The following DIP2C variants were observed in gnomAD, a reference collection of about 807,000 sequenced individuals.
DIP2C encodes the protein disco-interacting protein 2 homolog C.
DIP2C carries 33 observed loss-of-function variants against 192.4 expected under a neutral mutation model. The observed-to-expected ratio is 0.17, with a 90% CI of 0.13 to 0.23. The LOEUF (loss-of-function observed/expected upper bound fraction) is 0.23. Among genes scored for constraint, DIP2C ranks in the 10% least tolerant of loss-of-function variants. The pLI, the probability that DIP2C is intolerant of heterozygous loss-of-function variation, is 1.00. For synonymous variants in DIP2C, 979 were observed against 864.1 expected (o/e 1.13, Z -2.33); for missense variants, 1,537 against 2,110.1 (o/e 0.73, Z 5.32).
In DIP2C at chr10:645,874, T is replaced by C. The variant is rs79800231; in HGVS notation, c.85+43620A>G. Among the ~76,000 whole-genome samples, 59 of 152,306 alleles carry C rather than the reference T, an allele frequency of 3.9e-4. 1 individual carries two copies. In the Middle Eastern group the frequency reaches 0.01, roughly 27 times the overall value. ...GGAAACACTGCTGACCACTAGGACATAAACCCTGTCTCCCCCAAAATGCTG... is the reference window on the plus strand; with the variant it reads ...GGAAACACTGCTGACCACTAGGACACAAACCCTGTCTCCCCCAAAATGCTG... On this transcript the variant is annotated intron_variant, in intron 1 of 36. Coordinates refer to ENST00000280886, the MANE Select transcript of DIP2C (RefSeq NM_014974.3).
At chr10:510,427 C>T (rs961161560) in intron 1 of DIP2C, among the ~76,000 whole-genome samples, 4 of 152,244 alleles carry the variant, frequency 2.6e-5, no homozygotes, top group African/African-American at 7.2e-5. Context: ...CGTGCACGTA[C>T]ATGCTCAGCT....
intron 9 of DIP2C, among the ~76,000 whole-genome samples, chr10:405,500 A>C (rs1405176407): frequency 6.6e-6 from 1 of 152,204 alleles, no homozygotes; most frequent in Non-Finnish European, 1.5e-5. Context: ...CAAAACTGAA[A>C]ATTTTTTTGC....
intron 14 of DIP2C, among the ~76,000 whole-genome samples, chr10:386,562 A>ATC (rs1260002780): frequency 6.6e-6 from 1 of 152,258 alleles, no homozygotes; most frequent in African/African-American, 2.4e-5. Flanking sequence ...GCTCCATCTT[A>ATC]TCCCCCAACA....
chr10:610,696 CCA>C (rs557520582), intron 1 of DIP2C, among the ~76,000 whole-genome samples: 281 of 152,094 alleles, frequency 1.8e-3, no homozygotes, highest in Admixed American at 5.9e-3. Context: ...ACTGTAACCC[CCA>C]GTGTTGGAGG....
intron 1 of DIP2C, among the ~76,000 whole-genome samples, chr10:621,747 A>C (rs1266817825): frequency 2.4e-4 from 36 of 152,168 alleles, no homozygotes; most frequent in Non-Finnish European, 7.4e-5. Flanking sequence ...AGCATGAACA[A>C]AAGACGGCAG....
At chr10:359,954 T>C (rs1363176218) in intron 22 of DIP2C, among the ~76,000 whole-genome samples, 3 of 152,154 alleles carry the variant, frequency 2.0e-5, no homozygotes, top group East Asian at 3.9e-4. Flanking sequence ...TGGTGACCGA[T>C]GCTGGGCAAG....
chr10:470,187 C>T (rs1036861910), intron 3 of DIP2C, among the ~76,000 whole-genome samples: 1 of 152,098 alleles, frequency 6.6e-6, no homozygotes, highest in African/African-American at 2.4e-5. Flanking sequence ...AATACACAGA[C>T]ATGCAGATAG....
At chr10:420,218 C>T (rs370358775) in intron 5 of DIP2C, among the ~76,000 whole-genome samples, 1 of 152,214 alleles carries the variant, frequency 6.6e-6, no homozygotes, top group Admixed American at 6.5e-5. Flanking sequence ...ATCAACTGAA[C>T]GCACAAAAAC....
At chr10:615,732 G>C (rs1030131548) in intron 1 of DIP2C, among the ~76,000 whole-genome samples, 2 of 152,076 alleles carry the variant, frequency 1.3e-5, no homozygotes, top group Non-Finnish European at 2.9e-5. Flanking sequence ...AACCCACTTG[G>C]AAGACAGCCA....
intron 1 of DIP2C, among the ~76,000 whole-genome samples, chr10:498,548 G>GCTCT (rs1315187725): frequency 6.6e-6 from 1 of 152,224 alleles, no homozygotes; most frequent in Non-Finnish European, 1.5e-5. Context: ...TGCCCAGGGG[G>GCTCT]CTCTCTCTTA....
rs188823914 is a variant in DIP2C at position 390,111 on chromosome 10, G to A, written c.1495-18C>T. On this transcript the variant is annotated intron_variant, in intron 12 of 36. Transcript: ENST00000280886. The stretch of plus-strand genomic sequence containing the variant: ...GTCTTGTACTGAAACGAGACAAAGC[G>A]TGAGGGAAGTGGGGCTGACAGGTCA... 44 of 1,609,830 alleles carry A rather than the reference G, an allele frequency of 2.7e-5. No homozygotes were observed. In the African/African-American group the frequency reaches 4.1e-4, roughly 15 times the overall value.
chr10:599,455 G>A (rs2131686679), intron 1 of DIP2C, among the ~76,000 whole-genome samples: 1 of 152,276 alleles, frequency 6.6e-6, no homozygotes, highest in South Asian at 2.1e-4. Context: ...ACTAGACCAA[G>A]AACAAACCAA....
At chr10:460,869 C>T (rs183539855) in intron 3 of DIP2C, among the ~76,000 whole-genome samples, 41 of 152,262 alleles carry the variant, frequency 2.7e-4, no homozygotes, top group African/African-American at 9.1e-4. Flanking sequence ...TGCAGAAACC[C>T]GACATGCCAG....
At chr10:632,386 CGGTGTG>C (rs1854572916) in intron 1 of DIP2C, among the ~76,000 whole-genome samples, 1 of 150,484 alleles carries the variant, frequency 6.6e-6, no homozygotes, top group African/African-American at 2.5e-5. Flanking sequence ...ATGCGGGCAC[CGGTGTG>C]AACCCAGACT....
rs1223014393 is a variant in DIP2C at position 591,069 on chromosome 10, AAAG to A, written c.85+98422_85+98424del. On this transcript the variant is annotated intron_variant, in intron 1 of 36. Coordinates refer to ENST00000280886, the MANE Select transcript of DIP2C (RefSeq NM_014974.3). ...CAATTCATCCTGTCACTAAAAAATG[AAAG>A]AAGCCGCCACCTCCATCACAGATAA... is the stretch of plus-strand genomic sequence containing the variant. Among the ~76,000 whole-genome samples, 5 of 150,318 alleles carry A rather than the reference AAAG, an allele frequency of 3.3e-5. No homozygotes were observed. In the East Asian group the frequency reaches 9.7e-4, roughly 29 times the overall value.
rs149712959 is a variant in DIP2C, at chr10:440,293, T to C, written c.394+578A>G. The stretch of plus-strand genomic sequence containing the variant: ...GTCCGCTGTTCTTATAAAGTTTTAT[T>C]GGTACACAGCCATACCCACTTGCTA... On this transcript the variant is annotated intron_variant, in intron 4 of 36. Transcript: ENST00000280886. Among the ~76,000 whole-genome samples, 603 of 152,342 alleles carry C rather than the reference T, an allele frequency of 4.0e-3. 4 individuals carry two copies. The highest frequency in any genetic ancestry group is 0.024 in the Middle Eastern group (7 of 294).
At chr10:673,610 T>C (rs1481232140) in intron 1 of DIP2C, among the ~76,000 whole-genome samples, 1 of 152,186 alleles carries the variant, frequency 6.6e-6, no homozygotes, top group Non-Finnish European at 1.5e-5. Context: ...CATCCAAGAA[T>C]GGCTCCCTGC....
chr10:281,206 G>C lies in DIP2C; in HGVS notation c.4412C>G (p.Thr1471Arg). ...TSVIRAHKSVTECAVFTWTNL... is the reference protein window; with the variant it reads ...TSVIRAHKSVRECAVFTWTNL... ...CTGCAAGCTCACGACTTACCATTCC[G>C]TAACGCTTTTATGGGCTCTGATGAC... The change falls in exon 36 of 37, where the codon ACG becomes AGG. Residue 1471 changes from threonine to arginine, a missense_variant. By Grantham distance (71) the Thr-to-Arg change is moderately conservative. Transcript: ENST00000280886. 1 of 1,613,944 alleles carries C rather than the reference G, an allele frequency of 6.2e-7. No homozygotes were observed. Among genetic ancestry groups the C allele is most frequent in the Non-Finnish European group, 8.5e-7 (1 of 1,179,928 alleles).
intron 2 of DIP2C, among the ~76,000 whole-genome samples, chr10:478,958 C>A (rs1305660563): frequency 1.3e-5 from 2 of 152,120 alleles, no homozygotes; most frequent in African/African-American, 4.8e-5. Flanking sequence ...CCTCCTTCCC[C>A]AGCACCCAGG....
Sources: gnomAD v4.1 joint callset for allele counts (sites outside exome capture counted in the v4.1 genomes callset) on GRCh38, gnomAD v4.1.1 for gene constraint, MANE v1.5 for transcripts, NCBI Gene and HGNC (gene_info 2026-07-23, HGNC 2026-07-21) for gene names.